Variants in BAZ2B observed in about 807,000 individuals in gnomAD.
The protein encoded by BAZ2B is bromodomain adjacent to zinc finger domain protein 2B.
A neutral mutation model predicts 246.0 loss-of-function variants in BAZ2B; 91 were observed. The observed-to-expected ratio is 0.37, with a 90% CI of 0.31 to 0.44. The LOEUF (loss-of-function observed/expected upper bound fraction) is 0.44. Ranked by LOEUF, BAZ2B falls within the 20% of genes least tolerant of loss-of-function variation. The pLI, the probability that BAZ2B is intolerant of heterozygous loss-of-function variation, is 1.00. For missense variants in BAZ2B, 2,332 were observed against 2,533.7 expected, an observed-to-expected ratio of 0.92 and a Z score of 1.71; for synonymous variants, 855 against 860.0, an observed-to-expected ratio of 0.99 and a Z score of 0.10.
chr2:159,453,384 C>T (rs2075336355), intron 4 of BAZ2B, among the ~76,000 whole-genome samples: 2 of 152,256 alleles, frequency 1.3e-5, no homozygotes, highest in South Asian at 4.1e-4. Flanking sequence ...GTGACAGACA[C>T]CTATTTCTCT....
chr2:159,502,646 A>G (rs1232909002), intron 2 of BAZ2B, among the ~76,000 whole-genome samples: 1 of 152,136 alleles, frequency 6.6e-6, no homozygotes, highest in African/African-American at 2.4e-5. Context: ...ATAAAAGAAT[A>G]TCTGCATCTC....
At chr2:159,565,469 G>A (rs1365563919) in intron 1 of BAZ2B, among the ~76,000 whole-genome samples, 1 of 152,080 alleles carries the variant, frequency 6.6e-6, no homozygotes, top group East Asian at 1.9e-4. Context: ...CAAAATCAGT[G>A]ATTACTAAGC....
the BAZ2B span, among the ~76,000 whole-genome samples, chr2:159,623,412 A>T: frequency 6.6e-6 from 1 of 152,150 alleles, no homozygotes; most frequent in Non-Finnish European, 1.5e-5. Flanking sequence ...ACAAAAAGAA[A>T]TGCCCAAGGG....
intron 35 of BAZ2B, 78 bp from the exon 36 acceptor site, chr2:159,325,032 T>TTA (rs67500828): frequency 2.2e-5 from 1 of 46,462 alleles, no homozygotes; most frequent in African/African-American, 1.5e-4. Context: ...CTTTCAGTTA[T>TTA]TATATATATA....
chr2:159,577,833 C>T (rs1685720064), intron 1 of BAZ2B, among the ~76,000 whole-genome samples: 2 of 152,252 alleles, frequency 1.3e-5, no homozygotes, highest in Admixed American at 1.3e-4. Context: ...ACTAAACACA[C>T]TGAAACTTAT....
rs182046428 is a variant in BAZ2B at position 159,385,525 on chromosome 2, G to A, written c.3472-156C>T. ...GAAAGAGACACAAAAATAGTCAATA[G>A]AAGACAGACAAATATTCAAGTATTT... On this transcript the variant is annotated intron_variant, in intron 22 of 36. Coordinates refer to ENST00000392783, the MANE Select transcript of BAZ2B (RefSeq NM_013450.4). Among the ~76,000 whole-genome samples, 75 of 151,610 alleles carry A rather than the reference G, an allele frequency of 4.9e-4. 1 individual carries two copies. The East Asian group carries it at 0.014, about 27-fold the overall frequency.
At chr2:159,522,378 C>G (rs1288843626) in intron 2 of BAZ2B, among the ~76,000 whole-genome samples, 1 of 152,142 alleles carries the variant, frequency 6.6e-6, no homozygotes, top group African/African-American at 2.4e-5. Context: ...ATAAAATTAA[C>G]AGGCTAATCT....
chr2:159,626,721 A>C, the BAZ2B span, among the ~76,000 whole-genome samples: 1 of 152,236 alleles, frequency 6.6e-6, no homozygotes, highest in South Asian at 2.1e-4. Flanking sequence ...AGGAGGAAAG[A>C]TCTAAAATTG....
In BAZ2B at chr2:159,374,712, T is replaced by C. The variant is rs1360931521; in HGVS notation, c.4047A>G (p.Lys1349=). Residue 1349 remains lysine, a synonymous_variant, in exon 26 of 37, where the codon AAA becomes AAG. Transcript: ENST00000392783. The part of the protein sequence containing the change: ...DQAASVEELE[K]QIEKLSKQQS... ...TTACTTTACTCAGTTTTTCAATCTG[T>C]TTTTCCAGCTCTTCAACACTTGCTG... The C allele has an allele frequency of 1.2e-6, 2 of 1,612,954 alleles. No homozygotes were observed. Among genetic ancestry groups the C allele is most frequent in the Non-Finnish European group, 1.7e-6 (2 of 1,179,396 alleles).
At chr2:159,577,805 G>C (rs1293256503) in intron 1 of BAZ2B, among the ~76,000 whole-genome samples, 2 of 152,110 alleles carry the variant, frequency 1.3e-5, no homozygotes, top group African/African-American at 4.8e-5. Context: ...AAAGGCTAAA[G>C]AAATAGCTAA....
chr2:159,510,334 AT>A (rs1190108626), intron 2 of BAZ2B, among the ~76,000 whole-genome samples: 1 of 151,644 alleles, frequency 6.6e-6, no homozygotes, highest in African/African-American at 2.4e-5. Flanking sequence ...CAGCTATTTT[AT>A]TTTATTTTTG....
At chr2:159,392,784 C>T (rs2063507533) in intron 20 of BAZ2B, among the ~76,000 whole-genome samples, 1 of 152,130 alleles carries the variant, frequency 6.6e-6, no homozygotes, top group Admixed American at 6.6e-5. Context: ...TCAAATGACA[C>T]AAACTAAAAT....
At chr2:159,543,657 T>A (rs1235405042) in intron 2 of BAZ2B, among the ~76,000 whole-genome samples, 1 of 151,552 alleles carries the variant, frequency 6.6e-6, no homozygotes, top group African/African-American at 2.4e-5. Context: ...TGCCTTAGCC[T>A]CCTGAGTAGC....
intron 3 of BAZ2B, chr2:159,464,613 C>G (rs1371846353): frequency 6.6e-6 from 1 of 152,130 alleles, no homozygotes; most frequent in Non-Finnish European, 1.5e-5. Flanking sequence ...TCACTGGGAG[C>G]CGCGGTAGCT....
At chr2:159,696,387 T>G in the BAZ2B span, among the ~76,000 whole-genome samples, 1 of 152,286 alleles carries the variant, frequency 6.6e-6, no homozygotes, top group South Asian at 2.1e-4. Context: ...AATTTTTCCC[T>G]TCTATATTTT....
At chr2:159,610,066 A>G (rs1694379822) in intron 1 of BAZ2B, among the ~76,000 whole-genome samples, 1 of 152,196 alleles carries the variant, frequency 6.6e-6, no homozygotes, top group Admixed American at 6.5e-5. Context: ...CATTTCATGC[A>G]CTAGGTCCAT....
intron 2 of BAZ2B, among the ~76,000 whole-genome samples, chr2:159,546,733 T>C (rs1210070454): frequency 1.3e-5 from 2 of 152,040 alleles, no homozygotes; most frequent in African/African-American, 2.4e-5. Flanking sequence ...ATGCTCATAC[T>C]GATTTATTTT....
In BAZ2B at chr2:159,325,114, ATTTTATATATATATATATATAT is replaced by A. The variant is rs1558944534; in HGVS notation, c.6210-182_6210-161del. ...ATATTATATATATATATATATATAT[ATTTTATATATATATATATATAT>A]ATATATATATATGAGATAGGGTCTT... On this transcript the variant is annotated intron_variant, in intron 35 of 36. Coordinates refer to ENST00000392783, the MANE Select transcript of BAZ2B (RefSeq NM_013450.4). Among the ~76,000 whole-genome samples, 18 of 7,736 alleles carry A rather than the reference ATTTTATATATATATATATATAT, an allele frequency of 2.3e-3. 4 individuals are homozygous for A. Among genetic ancestry groups the A allele is most frequent in the South Asian group, 0.012 (2 of 168 alleles). The allele number at this position is 7,736 out of a possible 152,430, so 5.1% of individuals were successfully genotyped here.
chr2:159,683,465 C>A, the BAZ2B span, among the ~76,000 whole-genome samples: 1 of 152,224 alleles, frequency 6.6e-6, no homozygotes, highest in East Asian at 1.9e-4. Flanking sequence ...ATAACCACCA[C>A]CACAACCAAA....
Sources: gnomAD v4.1 joint callset for allele counts (sites outside exome capture counted in the v4.1 genomes callset) on GRCh38, gnomAD v4.1.1 for gene constraint, MANE v1.5 for transcripts, NCBI Gene and HGNC (gene_info 2026-07-23, HGNC 2026-07-21) for gene names.